The following GDA variants were observed in gnomAD, a reference collection of about 807,000 sequenced individuals.
GDA encodes cytoplasmic PSD-95 interactor.
A neutral mutation model predicts 59.6 loss-of-function variants in GDA; 18 were observed. That is an observed-to-expected ratio of 0.30 (90% CI 0.21 to 0.45). The LOEUF (loss-of-function observed/expected upper bound fraction) is 0.45. GDA is among the 20% of genes least tolerant of loss of function. The pLI is 1.00. For missense variants in GDA, 427 were observed against 552.3 expected, an observed-to-expected ratio of 0.77 and a Z score of 2.27; for synonymous variants, 201 against 201.1, an observed-to-expected ratio of 1.00 and a Z score of 0.00.
chr9:72,135,960 A>G (rs1051784057), intron 1 of GDA, among the ~76,000 whole-genome samples: 13 of 152,134 alleles, frequency 8.5e-5, no homozygotes, highest in African/African-American at 3.1e-4. Context: ...AACTTCGGGT[A>G]TTACAAATGG....
In GDA at chr9:72,210,680, T is replaced by C; in HGVS notation, c.385-7T>C. 1 of 1,565,554 alleles carries C rather than the reference T, an allele frequency of 6.4e-7. No individual in the cohort carries two copies. Among genetic ancestry groups the C allele is most frequent in the Non-Finnish European group, 8.8e-7 (1 of 1,135,862 alleles). On this transcript the variant is annotated splice_polypyrimidine_tract_variant and splice_region_variant and intron_variant, in intron 3 of 13. Transcript: ENST00000358399. ...CGTGATTCGCGGTTTTTGTGATTTA[T>C]TTTTAGAGGAGAACACTAAAGAATG...
At chr9:72,181,865 A>T (rs935541147) in intron 1 of GDA, among the ~76,000 whole-genome samples, 1 of 152,112 alleles carries the variant, frequency 6.6e-6, no homozygotes, top group African/African-American at 2.4e-5. Flanking sequence ...TTCAGTTAAA[A>T]TTTTTTATTT....
intron 1 of GDA, among the ~76,000 whole-genome samples, chr9:72,120,277 T>A (rs944464106): frequency 6.6e-6 from 1 of 151,764 alleles, no homozygotes; most frequent in Non-Finnish European, 1.5e-5. Flanking sequence ...AACCTCTGCC[T>A]CCTGGGTTCA....
At chr9:72,199,394 T>C (rs1291183550) in intron 2 of GDA, among the ~76,000 whole-genome samples, 3 of 152,228 alleles carry the variant, frequency 2.0e-5, no homozygotes, top group Non-Finnish European at 2.9e-5. Context: ...AAAATCACAC[T>C]TCAGATGCAA....
chr9:72,132,677 T>C (rs912501791), intron 1 of GDA, among the ~76,000 whole-genome samples: 8 of 152,164 alleles, frequency 5.3e-5, no homozygotes, highest in Non-Finnish European at 1.0e-4. Context: ...GCTATGGTTG[T>C]CCAGAAACAC....
chr9:72,173,283 G>C (rs909472054), intron 1 of GDA, among the ~76,000 whole-genome samples: 1 of 151,452 alleles, frequency 6.6e-6, no homozygotes, highest in East Asian at 1.9e-4. Flanking sequence ...AGCATCTTGC[G>C]TAAGTGATCA....
At chr9:72,172,354 C>A (rs1258056916) in intron 1 of GDA, among the ~76,000 whole-genome samples, 1 of 152,112 alleles carries the variant, frequency 6.6e-6, no homozygotes, top group Non-Finnish European at 1.5e-5. Flanking sequence ...ACTTTTCATT[C>A]ATTATCTCAT....
At chr9:72,144,882 G>T (rs559843980), upstream of GDA, among the ~76,000 whole-genome samples, 1 of 151,358 alleles carries the variant, frequency 6.6e-6, no homozygotes, top group African/African-American at 2.4e-5. Context: ...CAAATTTTTG[G>T]TGTATCTTTT....
intron 1 of GDA, among the ~76,000 whole-genome samples, chr9:72,161,188 G>A (rs531680427): frequency 2.2e-4 from 34 of 152,022 alleles, no homozygotes; most frequent in Non-Finnish European, 3.7e-4. Flanking sequence ...GATTATAGGC[G>A]TGAGCCACCG....
rs772782876 is a variant in GDA, at chr9:72,223,210, C to T, written c.697C>T (p.Arg233Cys). 97 of 1,607,174 alleles carry T rather than the reference C, an allele frequency of 6.0e-5. No homozygotes were observed. Among genetic ancestry groups the T allele is most frequent in the Non-Finnish European group, 7.3e-5 (86 of 1,174,026 alleles). The part of the protein sequence containing the change: ...MGELGNIAKT[R>C]DLHIQSHISE... ...TGAACTGGGCAACATTGCTAAAACC[C>T]GTGATTTGCACATTCAGGTGGGTAT... is the stretch of plus-strand genomic sequence containing the variant. Residue 233 changes from arginine to cysteine, a missense_variant, in exon 7 of 14, where the codon CGT becomes TGT. Coordinates refer to ENST00000358399, the MANE Select transcript of GDA (RefSeq NM_004293.5).
intron 1 of GDA, among the ~76,000 whole-genome samples, chr9:72,190,081 G>C (rs888719984): frequency 3.9e-5 from 6 of 152,066 alleles, no homozygotes; most frequent in African/African-American, 1.2e-4. Flanking sequence ...GTTATTGTGA[G>C]AGTAGGTTGT....
rs536881552 is a variant in GDA at position 72,249,005 on chromosome 9, C to T, written c.*663C>T. On this transcript the variant is annotated 3_prime_UTR_variant, in exon 14 of 14. Transcript: ENST00000358399. ...TCAGAAATTGAATGCCACATGCTTTCATAATATAGTTTTGTGCTTCAAAGT... is the reference window on the plus strand; with the variant it reads ...TCAGAAATTGAATGCCACATGCTTTTATAATATAGTTTTGTGCTTCAAAGT... The T allele has an allele frequency of 2.0e-6, 2 of 985,172 alleles. No individual in the cohort carries two copies. Among genetic ancestry groups the T allele is most frequent in the Non-Finnish European group, 2.4e-6 (2 of 829,344 alleles). 61.0% of individuals were successfully genotyped at this position (985,172 alleles called of 1,614,324 possible).
chr9:72,195,740 G>A, intron 2 of GDA, 152 bp downstream of exon 2: 2 of 348,246 alleles, frequency 5.7e-6, no homozygotes, highest in Non-Finnish European at 1.0e-5. Flanking sequence ...GAGATGGGAA[G>A]GAGAAGGTAT....
chr9:72,160,771 C>A (rs777253814), intron 1 of GDA, among the ~76,000 whole-genome samples: 1 of 152,208 alleles, frequency 6.6e-6, no homozygotes, highest in African/African-American at 2.4e-5. Flanking sequence ...GTGTGATAAA[C>A]CCAGGCCTGG....
intron 10 of GDA, among the ~76,000 whole-genome samples, chr9:72,236,390 T>G (rs1838990475): frequency 6.6e-6 from 1 of 152,198 alleles, no homozygotes; most frequent in East Asian, 1.9e-4. Flanking sequence ...GTTTTCTCAT[T>G]TCTTCTTAAA....
intron 4 of GDA, among the ~76,000 whole-genome samples, chr9:72,211,288 C>T (rs1180816109): frequency 6.6e-5 from 10 of 152,338 alleles, no homozygotes; most frequent in South Asian, 6.2e-4. Flanking sequence ...TGTTACTAGA[C>T]GTCTAGCATT....
At position 72,250,081 on chromosome 9, in the gene GDA, A is replaced by G. The variant is rs1188053524; in HGVS notation, c.*1739A>G. 6 of 983,744 alleles carry G rather than the reference A, an allele frequency of 6.1e-6. No homozygotes were observed. The East Asian group carries it at 5.7e-4, about 93-fold the overall frequency. 60.9% of individuals were successfully genotyped at this position (983,744 alleles called of 1,614,324 possible). On this transcript the variant is annotated 3_prime_UTR_variant, in exon 14 of 14. Transcript: ENST00000358399. ...TTAGTCTGTATTTCCAATATTTCTA[A>G]TTCCTGAGCCACGTCAAAGATGCCT...
intron 1 of GDA, among the ~76,000 whole-genome samples, chr9:72,188,366 A>C (rs1832104821): frequency 6.6e-6 from 1 of 152,216 alleles, no homozygotes; most frequent in African/African-American, 2.4e-5. Flanking sequence ...CTCCCTGCCC[A>C]GACCGACCTC....
intron 10 of GDA, among the ~76,000 whole-genome samples, chr9:72,240,214 C>T (rs1839458181): frequency 6.6e-6 from 1 of 152,088 alleles, no homozygotes; most frequent in African/African-American, 2.4e-5. Flanking sequence ...TAGCACTGCT[C>T]ATTTATTACA....
Sources: gnomAD v4.1 joint callset for allele counts (sites outside exome capture counted in the v4.1 genomes callset) on GRCh38, gnomAD v4.1.1 for gene constraint, MANE v1.5 for transcripts, NCBI Gene and HGNC (gene_info 2026-07-23, HGNC 2026-07-21) for gene names.